PLEKHG7: variants seen among roughly 807,000 people sequenced by gnomAD.
PLEKHG7 encodes the protein pleckstrin homology and RhoGEF domain containing G7, also known as pleckstrin homology domain-containing family G member 7.
A neutral mutation model predicts 85.2 loss-of-function variants in PLEKHG7; 77 were observed. The ratio of observed to expected loss-of-function variants is 0.90; its 90% confidence interval spans 0.75 to 1.09. The LOEUF (loss-of-function observed/expected upper bound fraction) is 1.09, where lower values mean the gene tolerates loss of function less well. Ranked by LOEUF, PLEKHG7 falls within the 50% of genes least tolerant of loss-of-function variation. The pLI, the probability that PLEKHG7 is intolerant of heterozygous loss-of-function variation, is 0.00. For synonymous variants in PLEKHG7, 301 were observed against 302.4 expected (o/e 1.00, Z 0.05); for missense variants, 777 against 804.3 (o/e 0.97, Z 0.41).
chr12:92,766,622 C>CT lies in PLEKHG7; in HGVS notation c.1871-2361_1871-2360insT, dbSNP rs879569248. ...CTTTGGTAGGCTGAGGCGGGCAAAT[C>CT]ACTTGAGGTCAGGAGTTCAAGACCA... On this transcript the variant is annotated intron_variant, in intron 15 of 16. Coordinates refer to ENST00000344636, the MANE Select transcript of PLEKHG7 (RefSeq NM_001377329.1). Among the ~76,000 whole-genome samples the CT allele has an allele frequency of 8.8e-3, 1,338 of 152,062 alleles. 9 individuals carry two copies. Among genetic ancestry groups the CT allele is most frequent in the Non-Finnish European group, 0.014 (962 of 67,984 alleles).
At chr12:92,717,679 A>ACCATAACAC (rs886894992) in intron 3 of PLEKHG7, among the ~76,000 whole-genome samples, 2 of 152,214 alleles carry the variant, frequency 1.3e-5, no homozygotes, top group African/African-American at 4.8e-5. Flanking sequence ...ATTATTCAGT[A>ACCATAACAC]CCATAACACG....
chr12:92,746,902 T>C (rs1872549757), intron 10 of PLEKHG7, among the ~76,000 whole-genome samples: 1 of 152,178 alleles, frequency 6.6e-6, no homozygotes, highest in Non-Finnish European at 1.5e-5. Flanking sequence ...AAGATTTAAG[T>C]GTAAGGCCTG....
intron 6 of PLEKHG7, among the ~76,000 whole-genome samples, chr12:92,736,962 A>G (rs775086622): frequency 2.6e-4 from 40 of 152,196 alleles, no homozygotes; most frequent in Admixed American, 1.9e-3. Context: ...ATGCTTCTTC[A>G]GTAGTTAATT....
rs970029012 is a variant in PLEKHG7, at chr12:92,771,393, G to A, written c.*1198G>A. The A allele has an allele frequency of 8.6e-5, 13 of 152,044 alleles. No individual in the cohort carries two copies. The highest frequency in any genetic ancestry group is 1.8e-4 in the Non-Finnish European group (12 of 67,954). The allele number at this position is 152,044 out of a possible 1,614,324, so 9.4% of individuals were successfully genotyped here. On this transcript the variant is annotated 3_prime_UTR_variant, in exon 17 of 17. Transcript: ENST00000344636. ...TTCACTATGCAAACAAAGCAGTAAAGACAAGTGCAGCAGAAAGGCTTTTGT... is the reference window on the plus strand; with the variant it reads ...TTCACTATGCAAACAAAGCAGTAAAAACAAGTGCAGCAGAAAGGCTTTTGT...
At chr12:92,719,835 G>C (rs1871587183) in intron 3 of PLEKHG7, among the ~76,000 whole-genome samples, 1 of 152,196 alleles carries the variant, frequency 6.6e-6, no homozygotes, top group Non-Finnish European at 1.5e-5. Context: ...CCAAGATAAA[G>C]GTCACCACAC....
At chr12:92,763,899 T>C in intron 14 of PLEKHG7, 142 bp from the exon 15 acceptor site, 1 of 559,954 alleles carries the variant, frequency 1.8e-6, no homozygotes, top group Non-Finnish European at 2.9e-6. Context: ...CTTTTCAAGA[T>C]CCAGAAAGAG....
intron 12 of PLEKHG7, 118 bp downstream of exon 12, chr12:92,756,058 T>C: frequency 5.1e-6 from 4 of 787,662 alleles, no homozygotes; most frequent in Middle Eastern, 3.4e-4. Context: ...TCTAGTTTCA[T>C]GAACAAGAAG....
chr12:92,761,638 G>GAAAGAA (rs1303345499), intron 13 of PLEKHG7, 114 bp from the exon 14 acceptor site: 2 of 519,458 alleles, frequency 3.9e-6, no homozygotes, highest in East Asian at 6.1e-5. Context: ...AAGAAAGAAA[G>GAAAGAA]AAAGAAAGAA....
intron 7 of PLEKHG7, among the ~76,000 whole-genome samples, chr12:92,738,825 A>G (rs1272837174): frequency 1.3e-5 from 2 of 152,224 alleles, no homozygotes; most frequent in Non-Finnish European, 2.9e-5. Flanking sequence ...TGTAAGTAAT[A>G]TTTTTTGTCA....
At chr12:92,764,423 T>C (rs1170779875) in intron 15 of PLEKHG7, among the ~76,000 whole-genome samples, 2 of 152,164 alleles carry the variant, frequency 1.3e-5, no homozygotes, top group African/African-American at 4.8e-5. Flanking sequence ...ACTCTTCAGT[T>C]TTCTAAGCCT....
At position 92,766,177 on chromosome 12, in the gene PLEKHG7, T is replaced by C. The variant is rs143114795; in HGVS notation, c.1870+1983T>C. Among the ~76,000 whole-genome samples the C allele has an allele frequency of 7.7e-3, 1,174 of 152,364 alleles. 22 individuals are homozygous for C. Among genetic ancestry groups the C allele is most frequent in the African/African-American group, 0.026 (1,072 of 41,588 alleles). ...GTAGATAAAACAAAGCCTCAGTATG[T>C]GGCGGCTGGAAATCACTTCTTTTCT... On this transcript the variant is annotated intron_variant, in intron 15 of 16. Transcript: ENST00000344636.
At chr12:92,762,428 A>G (rs964130352) in intron 14 of PLEKHG7, among the ~76,000 whole-genome samples, 4 of 152,226 alleles carry the variant, frequency 2.6e-5, no homozygotes, top group Admixed American at 2.6e-4. Context: ...TAAATTAGTC[A>G]ACTGGGAGCT....
chr12:92,756,022 C>A, intron 12 of PLEKHG7, 82 bp downstream of exon 12: 2 of 902,420 alleles, frequency 2.2e-6, no homozygotes, highest in South Asian at 3.1e-5. Context: ...TCTTAGATGT[C>A]CCCATCTGTC....
At chr12:92,732,881 A>G (rs1400466376) in intron 5 of PLEKHG7, among the ~76,000 whole-genome samples, 2 of 152,140 alleles carry the variant, frequency 1.3e-5, no homozygotes, top group African/African-American at 2.4e-5. Context: ...GTTCATGATG[A>G]CAACCTGACT....
chr12:92,743,231 C>T (rs1454911034), intron 9 of PLEKHG7, among the ~76,000 whole-genome samples: 6 of 152,194 alleles, frequency 3.9e-5, no homozygotes, highest in African/African-American at 1.4e-4. Context: ...TGGCAAAGCA[C>T]TCACTGGCTC....
At chr12:92,721,523 G>T (rs1293245831) in intron 3 of PLEKHG7, 3 of 1,228,068 alleles carry the variant, frequency 2.4e-6, no homozygotes, top group South Asian at 4.1e-5. Flanking sequence ...CGCAACTCAG[G>T]GTTAGTGAAA....
intron 9 of PLEKHG7, 26 bp downstream of exon 9, chr12:92,741,618 C>T: frequency 6.4e-7 from 1 of 1,559,684 alleles, no homozygotes; most frequent in Non-Finnish European, 8.8e-7. Flanking sequence ...GAGACCTCAG[C>T]TTCATGTAGT....
intron 13 of PLEKHG7, among the ~76,000 whole-genome samples, chr12:92,759,296 G>C (rs1003848384): frequency 6.6e-6 from 1 of 152,162 alleles, no homozygotes; most frequent in African/African-American, 2.4e-5. Flanking sequence ...TACGTAGAAG[G>C]TGTGCTCCCT....
intron 15 of PLEKHG7, among the ~76,000 whole-genome samples, chr12:92,765,576 C>G (rs1211284149): frequency 6.6e-6 from 1 of 151,494 alleles, no homozygotes; most frequent in Admixed American, 6.6e-5. Context: ...TTGTGGTGAG[C>G]CGAGACTGAG....
Sources: allele counts gnomAD v4.1 joint callset (sites outside exome capture counted in the v4.1 genomes callset), GRCh38; gene constraint gnomAD v4.1.1; transcripts MANE v1.5; gene names NCBI Gene and HGNC (gene_info 2026-07-23, HGNC 2026-07-21).